HPSE2: variants seen among roughly 807,000 people sequenced by gnomAD.
HPSE2 encodes inactive heparanase-2.
HPSE2 carries 38 observed loss-of-function variants against 60.5 expected under a neutral mutation model. The ratio of observed to expected loss-of-function variants is 0.63; its 90% CI spans 0.48 to 0.82. The LOEUF is 0.82. HPSE2 is among the 40% of genes least tolerant of loss of function. HPSE2 has a pLI of 0.00. For synonymous variants in HPSE2, 295 were observed against 293.2 expected, an observed-to-expected ratio of 1.01 and a Z score of -0.06; for missense variants, 713 against 740.4, an observed-to-expected ratio of 0.96 and a Z score of 0.43.
At chr10:98,512,011 C>G (rs1211123649) in intron 9 of HPSE2, among the ~76,000 whole-genome samples, 1 of 152,198 alleles carries the variant, frequency 6.6e-6, no homozygotes, top group African/African-American at 2.4e-5. Flanking sequence ...AGCTACTCTT[C>G]ATCTAGATAT....
chr10:98,492,232 G>T (rs1941671025), intron 9 of HPSE2, among the ~76,000 whole-genome samples: 1 of 152,192 alleles, frequency 6.6e-6, no homozygotes, highest in African/African-American at 2.4e-5. Context: ...TATGTTTACG[G>T]TGGCTCACGC....
chr10:99,237,871 C>G (rs1208599814), upstream of HPSE2, among the ~76,000 whole-genome samples: 2 of 152,210 alleles, frequency 1.3e-5, no homozygotes, highest in Non-Finnish European at 2.9e-5. Context: ...TGTTCCCAGA[C>G]TGGAGCACTT....
At chr10:98,550,979 C>T (rs1290063084) in intron 9 of HPSE2, among the ~76,000 whole-genome samples, 3 of 152,092 alleles carry the variant, frequency 2.0e-5, no homozygotes, top group African/African-American at 7.2e-5. Context: ...CATAACTATT[C>T]ACTGATGAAC....
At chr10:98,525,032 T>C (rs539580541) in intron 9 of HPSE2, among the ~76,000 whole-genome samples, 20 of 152,302 alleles carry the variant, frequency 1.3e-4, no homozygotes, top group African/African-American at 4.8e-4. Context: ...TATTTACAGA[T>C]AGAATTTCAC....
chr10:98,484,896 C>A (rs1941383869), intron 10 of HPSE2, among the ~76,000 whole-genome samples: 1 of 152,130 alleles, frequency 6.6e-6, no homozygotes, highest in African/African-American at 2.4e-5. Flanking sequence ...TCTAAGGGGT[C>A]CCTTAGGGCC....
the HPSE2 span, among the ~76,000 whole-genome samples, chr10:99,296,621 T>C: frequency 1.5e-4 from 23 of 152,332 alleles, 1 homozygote; most frequent in South Asian, 4.6e-3. Flanking sequence ...TGGCTTGCCC[T>C]TGAATTCTCT....
At position 98,997,112 on chromosome 10, in the gene HPSE2, C is replaced by CTTTTTTTTTT. The variant is rs34434956; in HGVS notation, c.610+147116_610+147125dup. On this transcript the variant is annotated intron_variant, in intron 3 of 11. Coordinates refer to ENST00000370552, the MANE Select transcript of HPSE2 (RefSeq NM_021828.5). ...TTACTTTAGTCAATACAGACCCTTT[C>CTTTTTTTTTT]TTTTTTTTTTTTTTTTTTGAGACAG... Among the ~76,000 whole-genome samples, 3 of 119,728 alleles carry CTTTTTTTTTT rather than the reference C, an allele frequency of 2.5e-5. 1 individual carries two copies. Among genetic ancestry groups the CTTTTTTTTTT allele is most frequent in the Non-Finnish European group, 3.3e-5 (2 of 61,076 alleles). The allele number at this position is 119,728 out of a possible 152,430, so 78.5% of individuals were successfully genotyped here. A position where few individuals can be genotyped will look rare whatever the true frequency, so the allele number is the denominator to read the frequency against.
At chr10:98,997,018 T>G (rs2135359707) in intron 3 of HPSE2, among the ~76,000 whole-genome samples, 1 of 152,242 alleles carries the variant, frequency 6.6e-6, no homozygotes, top group African/African-American at 2.4e-5. Context: ...GTAAGTTATA[T>G]CTCAATAAAA....
chr10:99,252,179 G>C, the HPSE2 span, among the ~76,000 whole-genome samples: 1 of 151,820 alleles, frequency 6.6e-6, no homozygotes, highest in Admixed American at 6.6e-5. Flanking sequence ...AAAATAATGA[G>C]AGCTATCTGT....
intron 3 of HPSE2, among the ~76,000 whole-genome samples, chr10:98,794,149 T>C (rs1950719085): frequency 6.6e-6 from 1 of 152,176 alleles, no homozygotes; most frequent in Non-Finnish European, 1.5e-5. Context: ...ATATATTTTA[T>C]CTAATTTATA....
chr10:98,660,158 G>C (rs1406970912), intron 6 of HPSE2, among the ~76,000 whole-genome samples: 1 of 152,104 alleles, frequency 6.6e-6, no homozygotes, highest in Non-Finnish European at 1.5e-5. Context: ...TACACATGAG[G>C]GGAAAAGAAT....
chr10:98,476,972 AT>A (rs1941049305), intron 11 of HPSE2, among the ~76,000 whole-genome samples: 1 of 152,194 alleles, frequency 6.6e-6, no homozygotes, highest in Non-Finnish European at 1.5e-5. Flanking sequence ...AGTTATCCAT[AT>A]GTATATCCAT....
At chr10:98,503,522 C>T (rs1942097229) in intron 9 of HPSE2, among the ~76,000 whole-genome samples, 1 of 152,034 alleles carries the variant, frequency 6.6e-6, no homozygotes, top group African/African-American at 2.4e-5. Context: ...GGGTATCTAC[C>T]CAGAGGAAAA....
the HPSE2 span, among the ~76,000 whole-genome samples, chr10:99,251,432 C>G: frequency 6.6e-6 from 1 of 152,178 alleles, no homozygotes; most frequent in African/African-American, 2.4e-5. Flanking sequence ...ACAGCTGGTA[C>G]CAATTCTAGT....
chr10:98,583,752 T>C, intron 9 of HPSE2, among the ~76,000 whole-genome samples: 1 of 152,256 alleles, frequency 6.6e-6, no homozygotes. Context: ...TTCACACTAC[T>C]TTCTGTCTCT....
chr10:99,233,945 ACT>A (rs1849753370), intron 1 of HPSE2, among the ~76,000 whole-genome samples: 1 of 151,970 alleles, frequency 6.6e-6, no homozygotes, highest in South Asian at 2.1e-4. Context: ...TGCCTTCCAG[ACT>A]CTTTTCTGAG....
chr10:99,057,603 G>C (rs989824225), intron 3 of HPSE2, among the ~76,000 whole-genome samples: 1 of 152,076 alleles, frequency 6.6e-6, no homozygotes, highest in East Asian at 1.9e-4. Context: ...CATAAGTTGG[G>C]GATAACTCCA....
chr10:99,294,295 C>CAG, the HPSE2 span, among the ~76,000 whole-genome samples: 1 of 148,458 alleles, frequency 6.7e-6, no homozygotes, highest in Non-Finnish European at 1.5e-5. Context: ...TATATAGAGA[C>CAG]AGAGAGAGAG....
chr10:98,764,788 C>T (rs1030580552), intron 3 of HPSE2, among the ~76,000 whole-genome samples: 10 of 152,136 alleles, frequency 6.6e-5, no homozygotes, highest in South Asian at 2.1e-4. Flanking sequence ...ACCAGGGAGG[C>T]GGAGGTTGCA....
Sources: allele counts gnomAD v4.1 joint callset (sites outside exome capture counted in the v4.1 genomes callset), GRCh38; gene constraint gnomAD v4.1.1; transcripts MANE v1.5; gene names NCBI Gene and HGNC (gene_info 2026-07-23, HGNC 2026-07-21).